VWC2: variants seen among roughly 807,000 people sequenced by gnomAD.
The protein encoded by VWC2 is von Willebrand factor C domain containing 2, also known as brorin.
In VWC2, 14 loss-of-function variants were observed where a neutral mutation model predicts 29.8. The ratio of observed to expected loss-of-function variants is 0.47; its 90% CI spans 0.31 to 0.74. The LOEUF (loss-of-function observed/expected upper bound fraction) is 0.74, where lower values mean the gene tolerates loss of function less well. VWC2 is among the 30% of genes least tolerant of loss of function. VWC2 has a pLI of 0.05. For missense variants in VWC2, 457 were observed against 459.8 expected, an observed-to-expected ratio of 0.99 and a Z score of 0.05; for synonymous variants, 213 against 199.0, an observed-to-expected ratio of 1.07 and a Z score of -0.59.
intron 3 of VWC2, among the ~76,000 whole-genome samples, chr7:49,895,456 C>CA (rs1425122465): frequency 1.1e-4 from 17 of 152,078 alleles, no homozygotes; most frequent in Admixed American, 4.6e-4. Flanking sequence ...GTATAAACAA[C>CA]AAAAAAACCC....
chr7:49,889,765 A>G (rs1162002292), intron 3 of VWC2, among the ~76,000 whole-genome samples: 1 of 152,170 alleles, frequency 6.6e-6, no homozygotes, highest in Non-Finnish European at 1.5e-5. Flanking sequence ...CCTGATTAAC[A>G]TATTTTGAAT....
intron 3 of VWC2, among the ~76,000 whole-genome samples, chr7:49,880,671 G>A (rs553282711): frequency 2.0e-5 from 3 of 151,758 alleles, no homozygotes; most frequent in Admixed American, 6.6e-5. Flanking sequence ...ATCACACACC[G>A]GGGCCTGTTG....
chr7:49,790,450 GAC>G (rs1006257381), intron 2 of VWC2, among the ~76,000 whole-genome samples: 6 of 152,312 alleles, frequency 3.9e-5, no homozygotes, highest in African/African-American at 1.4e-4. Context: ...ACAGTGGAAA[GAC>G]AGAACAGAAA....
At chr7:49,802,685 G>T in intron 2 of VWC2, 26 bp from the exon 3 acceptor site, 1 of 1,613,952 alleles carries the variant, frequency 6.2e-7, no homozygotes, top group South Asian at 1.1e-5. Flanking sequence ...GCAGGCTAAA[G>T]TGCTGATTGT....
chr7:49,819,872 G>A (rs1347927478), intron 3 of VWC2, among the ~76,000 whole-genome samples: 2 of 152,152 alleles, frequency 1.3e-5, no homozygotes, highest in African/African-American at 4.8e-5. Flanking sequence ...GGGACAAGTA[G>A]GGTACCTTTA....
At chr7:49,871,498 A>G (rs1224993783) in intron 3 of VWC2, among the ~76,000 whole-genome samples, 2 of 152,216 alleles carry the variant, frequency 1.3e-5, no homozygotes, top group African/African-American at 4.8e-5. Flanking sequence ...TTTGTTACAG[A>G]TGAGTTGGCT....
chr7:49,873,647 C>T (rs562281461), intron 3 of VWC2, among the ~76,000 whole-genome samples: 1 of 152,168 alleles, frequency 6.6e-6, no homozygotes, highest in East Asian at 1.9e-4. Flanking sequence ...TGTGCATAGC[C>T]AGGCATTATG....
At chr7:49,817,464 G>A (rs1367796220) in intron 3 of VWC2, among the ~76,000 whole-genome samples, 1 of 152,182 alleles carries the variant, frequency 6.6e-6, no homozygotes, top group African/African-American at 2.4e-5. Flanking sequence ...CCCTGTAGAT[G>A]ACTTGCCCAA....
intron 3 of VWC2, among the ~76,000 whole-genome samples, chr7:49,893,739 T>C (rs759649258): frequency 1.9e-4 from 29 of 152,200 alleles, no homozygotes; most frequent in Middle Eastern, 6.8e-3. Context: ...TTCCTCTGTA[T>C]AAATAACAGT....
At chr7:49,893,018 AG>A (rs1792211218) in intron 3 of VWC2, among the ~76,000 whole-genome samples, 1 of 152,224 alleles carries the variant, frequency 6.6e-6, no homozygotes, top group Non-Finnish European at 1.5e-5. Context: ...TTTTTTAAAC[AG>A]GTTACCTTTT....
chr7:49,858,471 C>T (rs565311747), intron 3 of VWC2, among the ~76,000 whole-genome samples: 47 of 150,080 alleles, frequency 3.1e-4, no homozygotes, highest in African/African-American at 4.9e-4. Flanking sequence ...AACCAAACAC[C>T]GCATGTTCTC....
chr7:49,882,137 A>T (rs1791692523), intron 3 of VWC2, among the ~76,000 whole-genome samples: 1 of 152,154 alleles, frequency 6.6e-6, no homozygotes, highest in Non-Finnish European at 1.5e-5. Flanking sequence ...TACTTGAGAA[A>T]AAAACTGGTG....
At chr7:49,907,043 A>G (rs1041375554) in intron 3 of VWC2, among the ~76,000 whole-genome samples, 4 of 152,218 alleles carry the variant, frequency 2.6e-5, no homozygotes, top group African/African-American at 7.2e-5. Flanking sequence ...CACACAGTGG[A>G]GCCATAAAGA....
At chr7:49,838,759 T>C (rs931866676) in intron 3 of VWC2, among the ~76,000 whole-genome samples, 1 of 152,192 alleles carries the variant, frequency 6.6e-6, no homozygotes, top group African/African-American at 2.4e-5. Flanking sequence ...CCAGGAGCTT[T>C]TTAACTTATA....
At position 49,906,833 on chromosome 7, in the gene VWC2, C is replaced by T. The variant is rs544320369; in HGVS notation, c.827-5201C>T. ...TTGTGTGTTTTAAATCATTTTAACACTTGATGTTTTCGTTGGTTTTTGTTT... is the reference window on the plus strand; with the variant it reads ...TTGTGTGTTTTAAATCATTTTAACATTTGATGTTTTCGTTGGTTTTTGTTT... On this transcript the variant is annotated intron_variant, in intron 3 of 3. Transcript: ENST00000340652. Among the ~76,000 whole-genome samples, 12 of 152,184 alleles carry T rather than the reference C, an allele frequency of 7.9e-5. No individual in the cohort carries two copies. The East Asian group carries it at 2.3e-3, about 29-fold the overall frequency.
chr7:49,871,514 G>T (rs1030011775), intron 3 of VWC2, among the ~76,000 whole-genome samples: 2 of 152,028 alleles, frequency 1.3e-5, no homozygotes, highest in African/African-American at 4.8e-5. Flanking sequence ...TGGCTTGGTG[G>T]GGTTTCCATT....
chr7:49,892,719 G>T (rs756790802), intron 3 of VWC2, among the ~76,000 whole-genome samples: 2 of 152,170 alleles, frequency 1.3e-5, no homozygotes, highest in African/African-American at 2.4e-5. Context: ...TCTCAGTTCT[G>T]CATATTGTGT....
chr7:49,839,518 G>T (rs1044407567), intron 3 of VWC2, among the ~76,000 whole-genome samples: 3 of 151,924 alleles, frequency 2.0e-5, no homozygotes, highest in African/African-American at 7.3e-5. Context: ...AAAGCAGAGA[G>T]AAACCAATAT....
At position 49,775,345 on chromosome 7, in the gene VWC2, C is replaced by T; in HGVS notation, c.-91C>T. ...GTTCTCTCCGCAGGGACGGCGGCTC[C>T]CGGCTGGCGGCGGCGCGCCCCCGGG... On this transcript the variant is annotated 5_prime_UTR_variant, in exon 2 of 4. Coordinates refer to ENST00000340652, the MANE Select transcript of VWC2 (RefSeq NM_198570.5). 2 of 1,100,154 alleles carry T rather than the reference C, an allele frequency of 1.8e-6. No individual in the cohort carries two copies. The highest frequency in any genetic ancestry group is 2.3e-6 in the Non-Finnish European group (2 of 854,286). The allele number at this position is 1,100,154 out of a possible 1,614,324, so 68.1% of individuals were successfully genotyped here. A position where few individuals can be genotyped will look rare whatever the true frequency, so the allele number is the denominator to read the frequency against.
Sources: allele counts gnomAD v4.1 joint callset (sites outside exome capture counted in the v4.1 genomes callset), GRCh38; gene constraint gnomAD v4.1.1; transcripts MANE v1.5; gene names NCBI Gene and HGNC (gene_info 2026-07-23, HGNC 2026-07-21).